Variants in LPCAT1 observed in about 807,000 individuals in gnomAD.
The protein encoded by LPCAT1 is lysophosphatidylcholine acyltransferase 1.
In LPCAT1, 23 loss-of-function variants were observed where a neutral mutation model predicts 60.9. That is an observed-to-expected ratio of 0.38 (90% CI 0.27 to 0.53). The LOEUF (loss-of-function observed/expected upper bound fraction) is 0.53. LPCAT1 is among the 20% of genes least tolerant of loss of function. LPCAT1 has a pLI of 0.82. For missense variants in LPCAT1, 622 were observed against 723.6 expected, an observed-to-expected ratio of 0.86 and a Z score of 1.61; for synonymous variants, 340 against 301.1, an observed-to-expected ratio of 1.13 and a Z score of -1.34.
rs1734954761 is a variant in LPCAT1 at position 1,477,236 on chromosome 5, G to A, written c.899+168C>T. Among the ~76,000 whole-genome samples the A allele has an allele frequency of 6.6e-6, 1 of 152,142 alleles. No individual in the cohort carries two copies. Among genetic ancestry groups the A allele is most frequent in the Non-Finnish European group, 1.5e-5 (1 of 68,032 alleles). On this transcript the variant is annotated intron_variant, in intron 9 of 13. Transcript: ENST00000283415. This position sits in a 1 kb window ranked among gnomAD's most constrained non-coding sequence, Gnocchi z 6.0. The stretch of plus-strand genomic sequence containing the variant: ...GAAATGCCATCAGAGGGAAACAAGG[G>A]GCGCACAGCACAAGGCCAAGCACGC...
In LPCAT1 at chr5:1,466,856, T is replaced by C; in HGVS notation, c.1313A>G (p.Glu438Gly). Residue 438 changes from glutamate (E) to glycine (G), a missense_variant, in exon 13 of 14, where the codon GAA becomes GGA. Coordinates refer to ENST00000283415, the MANE Select transcript of LPCAT1 (RefSeq NM_024830.5). Reference protein sequence around the residue: ...YGAQEDGSVGEGDLSCILKTA... With the variant: ...YGAQEDGSVGGGDLSCILKTA... ...CTTGAGGATGCAGGACAGGTCACCT[T>C]CGCCGACGCTGCCGTCCTCTTGCGC... 6.2e-7 allele frequency: 1 copy of C among 1,609,170 alleles called. No homozygotes were observed. Among genetic ancestry groups the C allele is most frequent in the Non-Finnish European group, 8.5e-7 (1 of 1,177,052 alleles).
At chr5:1,510,825 G>A (rs1410173479) in intron 1 of LPCAT1, 2 of 152,740 alleles carry the variant, frequency 1.3e-5, no homozygotes, top group East Asian at 1.9e-4. Flanking sequence ...ATGACCTGGA[G>A]GGCAGGCAGG....
At position 1,463,712 on chromosome 5, in the gene LPCAT1, G is replaced by A; in HGVS notation, c.1544C>T (p.Ala515Val). ...GTCTGAGTTTTCCGGGCTGAAATCGGCACAGAAGCCGTTTGGGATTGGCGC... is the reference window on the plus strand; with the variant it reads ...GTCTGAGTTTTCCGGGCTGAAATCGACACAGAAGCCGTTTGGGATTGGCGC... Reference protein sequence around the residue: ...SPAPIPNGFCADFSPENSDAG... With the variant: ...SPAPIPNGFCVDFSPENSDAG... Residue 515 changes from alanine (A) to valine (V), a missense_variant, in exon 14 of 14, where the codon GCC becomes GTC. Around this residue, in one of 3 missense-constraint regions of LPCAT1, gnomAD observed 288 missense variants for 283.6 expected, o/e 1.02. Transcript: ENST00000283415. The A allele has an allele frequency of 6.2e-7, 1 of 1,614,258 alleles. No homozygotes were observed. The highest frequency in any genetic ancestry group is 8.5e-7 in the Non-Finnish European group (1 of 1,180,050).
At chr5:1,517,548 T>C (rs1005397130) in intron 1 of LPCAT1, among the ~76,000 whole-genome samples, 6 of 152,210 alleles carry the variant, frequency 3.9e-5, no homozygotes, top group Non-Finnish European at 5.9e-5. Context: ...GCACCGGGCA[T>C]GGGCCAGACA....
intron 1 of LPCAT1, among the ~76,000 whole-genome samples, chr5:1,520,166 A>G (rs1736627682): frequency 6.6e-6 from 1 of 152,262 alleles, no homozygotes; most frequent in Non-Finnish European, 1.5e-5. Context: ...CCACGTGAGG[A>G]GCCTGGCAAC....
chr5:1,474,132 G>A, intron 10 of LPCAT1, 22 bp from the exon 11 acceptor site: 1 of 1,600,696 alleles, frequency 6.2e-7, no homozygotes, highest in South Asian at 1.1e-5. Context: ...AAGAGGGAAA[G>A]CTTTCTTTTT....
Position 1,475,356 on chromosome 5 carries a change from G to T in LPCAT1, c.900-671C>A, listed in dbSNP as rs550483670. On this transcript the variant is annotated intron_variant, in intron 9 of 13. Coordinates refer to ENST00000283415, the MANE Select transcript of LPCAT1 (RefSeq NM_024830.5). The stretch of plus-strand genomic sequence containing the variant: ...TGAAGCTCACAGCAGTCCTGGCCCC[G>T]CCACGTGTGACTCCAGGTGAGCCAG... Among the ~76,000 whole-genome samples the T allele has an allele frequency of 4.9e-4, 74 of 152,314 alleles. 1 individual carries two copies. Among genetic ancestry groups the T allele is most frequent in the Middle Eastern group, 3.4e-3 (1 of 294 alleles).
chr5:1,473,818 G>A (rs909327062), intron 11 of LPCAT1, 139 bp downstream of exon 11: 10 of 942,996 alleles, frequency 1.1e-5, no homozygotes, highest in Non-Finnish European at 1.6e-5. Context: ...AAAATGATAG[G>A]GTGGGGTGGT....
intron 1 of LPCAT1, among the ~76,000 whole-genome samples, chr5:1,509,345 G>A (rs1579810318): frequency 6.6e-6 from 1 of 152,258 alleles, no homozygotes; most frequent in African/African-American, 2.4e-5. Flanking sequence ...AACTCCACAG[G>A]ATATGCGACA....
At position 1,463,875 on chromosome 5, in the gene LPCAT1, G is replaced by C. The variant is rs574853664; in HGVS notation, c.1421-40C>G. On this transcript the variant is annotated intron_variant, in intron 13 of 13. Coordinates refer to ENST00000283415, the MANE Select transcript of LPCAT1 (RefSeq NM_024830.5). ...GCACCTGTGGTTATGGAATGGGGAC[G>C]AGCAAATGTCTAGGATTTGGAGGCT... The C allele has an allele frequency of 3.7e-6, 6 of 1,600,582 alleles. No homozygotes were observed. In the East Asian group the frequency reaches 6.7e-5, roughly 18 times the overall value.
In LPCAT1 at chr5:1,464,645, A is replaced by G. The variant is rs541345208; in HGVS notation, c.1421-810T>C. Among the ~76,000 whole-genome samples the G allele has an allele frequency of 1.5e-4, 13 of 85,058 alleles. No individual in the cohort carries two copies. In the East Asian group the frequency reaches 2.7e-3, roughly 18 times the overall value. The allele number at this position is 85,058 out of a possible 152,430, so 55.8% of individuals were successfully genotyped here. ...ACACACGGTAACCACACATGCGTGC[A>G]CACACACACACACAAAAGCACGCAC... On this transcript the variant is annotated intron_variant, in intron 13 of 13. Coordinates refer to ENST00000283415, the MANE Select transcript of LPCAT1 (RefSeq NM_024830.5).
chr5:1,506,162 G>A (rs1736180151), intron 1 of LPCAT1, among the ~76,000 whole-genome samples: 1 of 152,352 alleles, frequency 6.6e-6, no homozygotes, highest in South Asian at 2.1e-4. Context: ...TGGGGAGGGT[G>A]TGGCTCTGCT....
chr5:1,516,982 A>G (rs1736523507), intron 1 of LPCAT1, among the ~76,000 whole-genome samples: 2 of 152,236 alleles, frequency 1.3e-5, no homozygotes, highest in South Asian at 2.1e-4. Flanking sequence ...AATACAGCAA[A>G]AAGTATCCCC....
intron 13 of LPCAT1, 111 bp from the exon 14 acceptor site, chr5:1,463,946 A>AG: frequency 9.0e-7 from 1 of 1,115,836 alleles, no homozygotes; most frequent in South Asian, 1.5e-5. Flanking sequence ...CCCTCCAGGG[A>AG]GGGTTAGAAT....
At position 1,523,485 on chromosome 5, in the gene LPCAT1, G is replaced by T. The variant is rs992654357; in HGVS notation, c.135+225C>A. On this transcript the variant is annotated intron_variant, in intron 1 of 13. Transcript: ENST00000283415. The surrounding 1 kb of genome is among the most constrained non-coding windows in gnomAD (Gnocchi z 7.1). Reference sequence around the variant, plus strand: ...CCCGAGGAAGGCGCTGAGGGACCAGGATGCGCGTGCGGGCGGCGGGAAGCC... The same window carrying T: ...CCCGAGGAAGGCGCTGAGGGACCAGTATGCGCGTGCGGGCGGCGGGAAGCC... Among the ~76,000 whole-genome samples, 14 of 151,608 alleles carry T rather than the reference G, an allele frequency of 9.2e-5. No individual in the cohort carries two copies. The highest frequency in any genetic ancestry group is 1.8e-4 in the Non-Finnish European group (12 of 67,826).
Position 1,481,947 on chromosome 5 carries a change from C to T in LPCAT1, c.727-971G>A, listed in dbSNP as rs556052258. On this transcript the variant is annotated intron_variant, in intron 6 of 13. Transcript: ENST00000283415. This position sits in a 1 kb window ranked among gnomAD's most constrained non-coding sequence, Gnocchi z 7.8. ...TGAGGCGGATGGCCCAGAACCCTGGCACCCAGAGGTCACCTGTATTTCTGC... is the reference window on the plus strand; with the variant it reads ...TGAGGCGGATGGCCCAGAACCCTGGTACCCAGAGGTCACCTGTATTTCTGC... Among the ~76,000 whole-genome samples the T allele has an allele frequency of 8.7e-4, 132 of 152,390 alleles. No homozygotes were observed. The highest frequency in any genetic ancestry group is 3.1e-3 in the African/African-American group (128 of 41,604).
intron 13 of LPCAT1, 99 bp from the exon 14 acceptor site, chr5:1,463,934 C>T (rs1734217305): frequency 4.0e-6 from 5 of 1,255,056 alleles, no homozygotes; most frequent in Non-Finnish European, 5.7e-6. Context: ...GTCCACCTCA[C>T]GCCCTCCAGG....
In LPCAT1 at chr5:1,502,015, C is replaced by A. The variant is rs547217918; in HGVS notation, c.136-412G>T. 6.6e-6 allele frequency among the ~76,000 whole-genome samples: 1 copy of A among 152,268 alleles called. No homozygotes were observed. Among genetic ancestry groups the A allele is most frequent in the African/African-American group, 2.4e-5 (1 of 41,530 alleles). On this transcript the variant is annotated intron_variant, in intron 1 of 13. Coordinates refer to ENST00000283415, the MANE Select transcript of LPCAT1 (RefSeq NM_024830.5). The surrounding 1 kb of genome is among the most constrained non-coding windows in gnomAD (Gnocchi z 5.5). ...CTGACCAAGGCTGACCAACATTGAC[C>A]GGCACTGACCAAGGCTGACCGGTGC...
rs1579772805 is a variant in LPCAT1, at chr5:1,480,588, T to C, written c.761+354A>G. On this transcript the variant is annotated intron_variant, in intron 7 of 13. Coordinates refer to ENST00000283415, the MANE Select transcript of LPCAT1 (RefSeq NM_024830.5). This position sits in a 1 kb window ranked among gnomAD's most constrained non-coding sequence, Gnocchi z 6.4. Reference sequence around the variant, plus strand: ...CTCCCACCCAGCACTACTCAGTCTCTGTGCCTGTGCAGACGGGGTCCCCCC... The same window carrying C: ...CTCCCACCCAGCACTACTCAGTCTCCGTGCCTGTGCAGACGGGGTCCCCCC... Among the ~76,000 whole-genome samples the C allele has an allele frequency of 6.6e-6, 1 of 152,318 alleles. No individual in the cohort carries two copies. The highest frequency in any genetic ancestry group is 1.9e-4 in the East Asian group (1 of 5,180).
Sources: gnomAD v4.1 joint callset for allele counts (sites outside exome capture counted in the v4.1 genomes callset) on GRCh38, gnomAD v4.1.1 for gene constraint, gnomAD v4.1.1 regional missense constraint, Gnocchi (gnomAD v3.1) non-coding constraint, MANE v1.5 for transcripts, NCBI Gene and HGNC (gene_info 2026-07-23, HGNC 2026-07-21) for gene names.